The following CCL13 variants were observed in gnomAD, a reference collection of about 807,000 sequenced individuals.
CCL13 encodes C-C motif chemokine 13.
Under a neutral mutation model 6.6 loss-of-function variants are expected in CCL13, and 5 were observed. That is an observed-to-expected ratio of 0.76 (90% confidence interval 0.40 to 1.60). CCL13 has a LOEUF of 1.60. CCL13 is among the 40% of genes most tolerant of loss of function. CCL13 has a pLI of 0.02. For missense variants in CCL13, 117 were observed against 114.2 expected (o/e 1.02, Z -0.11); for synonymous variants, 39 against 43.0 (o/e 0.91, Z 0.37).
Position 34,356,612 on chromosome 17 carries a change from C to T in CCL13, c.76+10C>T. On this transcript the variant is annotated intron_variant, in intron 1 of 2. Transcript: ENST00000225844. ...GGACTTGCTCAGCCAGGTAAGTCAC[C>T]TCCCTTCGACTCTCCCTCTCTTTCC... 1.3e-6 allele frequency: 2 copies of T among 1,583,428 alleles called. No homozygotes were observed. The highest frequency in any genetic ancestry group is 1.7e-6 in the Non-Finnish European group (2 of 1,152,266).
intron 2 of CCL13, 121 bp from the exon 3 acceptor site, chr17:34,357,905 T>C: frequency 6.0e-6 from 4 of 661,332 alleles, no homozygotes; most frequent in Non-Finnish European, 1.0e-5. Context: ...CTTCCTGTCC[T>C]GGAGGGGTGC....
Position 34,358,133 on chromosome 17 carries a change from C to T in CCL13, c.*2C>T, listed in dbSNP as rs779852870. 1.7e-5 allele frequency: 27 copies of T among 1,599,972 alleles called. No homozygotes were observed. The highest frequency in any genetic ancestry group is 2.3e-5 in the Non-Finnish European group (27 of 1,167,376). On this transcript the variant is annotated 3_prime_UTR_variant, in exon 3 of 3. Transcript: ENST00000225844. ...AAAGCTCACACCCTGAAGACTTGAA[C>T]TCTGCTACCCCTACTGAAATCAAGC...
intron 1 of CCL13, among the ~76,000 whole-genome samples, chr17:34,356,991 A>G (rs2141947427): frequency 6.6e-6 from 1 of 152,278 alleles, no homozygotes; most frequent in South Asian, 2.1e-4. Context: ...CCCACTTCTA[A>G]GCCCACCAGA....
At chr17:34,357,668 G>GA in intron 2 of CCL13, 79 bp downstream of exon 2, 1 of 846,244 alleles carries the variant, frequency 1.2e-6, no homozygotes, top group East Asian at 2.4e-5. Context: ...CCAGGAGACA[G>GA]ACGTCAGACT....
chr17:34,358,307 G>A lies in CCL13; in HGVS notation c.*176G>A, dbSNP rs898861282. ...AGTAATATTGGCTATTATTTGACTT[G>A]TTGCTGGTTTGGAGTTTATTTGAGT... On this transcript the variant is annotated 3_prime_UTR_variant, in exon 3 of 3. Coordinates refer to ENST00000225844, the MANE Select transcript of CCL13 (RefSeq NM_005408.3). 8 of 619,728 alleles carry A rather than the reference G, an allele frequency of 1.3e-5. No homozygotes were observed. The highest frequency in any genetic ancestry group is 9.4e-5 in the African/African-American group (5 of 53,306). 38.4% of individuals were successfully genotyped at this position (619,728 alleles called of 1,614,324 possible). A position where few individuals can be genotyped will look rare whatever the true frequency, so the allele number is the denominator to read the frequency against.
intron 2 of CCL13, 61 bp downstream of exon 2, chr17:34,357,650 G>A (rs1041193589): frequency 3.0e-6 from 3 of 1,010,782 alleles, no homozygotes; most frequent in African/African-American, 3.2e-5. Flanking sequence ...CCAATCCAAA[G>A]TTCTGCCCCA....
In CCL13 at chr17:34,357,534, C is replaced by T. The variant is rs377585122; in HGVS notation, c.136C>T (p.Gln46Ter). Reference protein sequence around the residue: ...FTFSSKKISLQRLKSYVITTS... With the variant: ...FTFSSKKISL The stretch of plus-strand genomic sequence containing the variant: ...ATTTAGCAGTAAGAAGATCTCCTTG[C>T]AGAGGCTGAAGAGCTATGTGATCAC... Residue 46 changes from glutamine (Q) to a stop codon, truncating the protein, a stop_gained, in exon 2 of 3, where the codon CAG (glutamine) becomes TAG (stop). Coordinates refer to ENST00000225844, the MANE Select transcript of CCL13 (RefSeq NM_005408.3). LOFTEE classifies it high-confidence loss of function. The T allele has an allele frequency of 6.2e-7, 1 of 1,613,556 alleles. No individual in the cohort carries two copies. The highest frequency in any genetic ancestry group is 8.5e-7 in the Non-Finnish European group (1 of 1,179,608).
At chr17:34,356,627 C>T in intron 1 of CCL13, 25 bp downstream of exon 1, 2 of 1,504,976 alleles carry the variant, frequency 1.3e-6, no homozygotes, top group Admixed American at 1.7e-5. Context: ...TTCGACTCTC[C>T]CTCTCTTTCC....
chr17:34,358,226 C>A lies in CCL13; in HGVS notation c.*95C>A. The A allele has an allele frequency of 2.5e-6, 2 of 804,848 alleles. No individual in the cohort carries two copies. The highest frequency in any genetic ancestry group is 1.6e-5 in the South Asian group (1 of 64,416). 49.9% of individuals were successfully genotyped at this position (804,848 alleles called of 1,614,324 possible). A position where few individuals can be genotyped will look rare whatever the true frequency, so the allele number is the denominator to read the frequency against. ...CTTCTATGCTTTGGAATACTTCTAC[C>A]ATAATTTTCAAATAGGATGCATTCG... On this transcript the variant is annotated 3_prime_UTR_variant, in exon 3 of 3. Transcript: ENST00000225844.
rs761296852 is a variant in CCL13, at chr17:34,357,709, G to T, written c.191+120G>T. The T allele has an allele frequency of 8.3e-4, 576 of 693,058 alleles. 6 individuals carry two copies. The highest frequency in any genetic ancestry group is 1.6e-3 in the Middle Eastern group (4 of 2,470). 42.9% of individuals were successfully genotyped at this position (693,058 alleles called of 1,614,324 possible). A position where few individuals can be genotyped will look rare whatever the true frequency, so the allele number is the denominator to read the frequency against. On this transcript the variant is annotated intron_variant, in intron 2 of 2. Transcript: ENST00000225844. ...GAGATCTTAGGATGAGATCTAGCCA[G>T]ACTGTGTGATGCAAATCCTCCAATT... is the stretch of plus-strand genomic sequence containing the variant.
rs1597613628 is a variant in CCL13, at chr17:34,358,126, A to G, written c.292A>G (p.Thr98Ala). The G allele has an allele frequency of 6.2e-7, 1 of 1,610,226 alleles. No individual in the cohort carries two copies. The highest frequency in any genetic ancestry group is 2.2e-5 in the East Asian group (1 of 44,850). Residue 98 changes from threonine to alanine, a missense_variant, in exon 3 of 3, where the codon ACT becomes GCT. By Grantham distance (58) the Thr-to-Ala change is moderately conservative. Coordinates refer to ENST00000225844, the MANE Select transcript of CCL13 (RefSeq NM_005408.3). Reference protein sequence around the residue: ...HLGRKAHTLKT With the variant: ...HLGRKAHTLKA ...GGGCCGGAAAGCTCACACCCTGAAG[A>G]CTTGAACTCTGCTACCCCTACTGAA... is the stretch of plus-strand genomic sequence containing the variant.
At chr17:34,356,759 T>C (rs896524424) in intron 1 of CCL13, among the ~76,000 whole-genome samples, 157 bp downstream of exon 1, 18 of 152,064 alleles carry the variant, frequency 1.2e-4, no homozygotes, top group Admixed American at 5.2e-4. Context: ...ATTGCAACCT[T>C]CACCTCCCAG....
In CCL13 at chr17:34,358,321, G is replaced by A. The variant is rs1567663590; in HGVS notation, c.*190G>A. On this transcript the variant is annotated 3_prime_UTR_variant, in exon 3 of 3. Coordinates refer to ENST00000225844, the MANE Select transcript of CCL13 (RefSeq NM_005408.3). ...TTATTTGACTTGTTGCTGGTTTGGA[G>A]TTTATTTGAGTATTGCTGATCTTTT... is the stretch of plus-strand genomic sequence containing the variant. 3.4e-6 allele frequency: 2 copies of A among 592,360 alleles called. No individual in the cohort carries two copies. The highest frequency in any genetic ancestry group is 6.1e-5 in the Admixed American group (2 of 32,650). 36.7% of individuals were successfully genotyped at this position (592,360 alleles called of 1,614,324 possible).
chr17:34,356,650 A>T (rs921500532), intron 1 of CCL13, 48 bp downstream of exon 1: 1 of 1,386,356 alleles, frequency 7.2e-7, no homozygotes, highest in African/African-American at 1.4e-5. Context: ...CTGTTTCTCT[A>T]TTCAAGGAAG....
At chr17:34,357,866 A>G (rs954635830) in intron 2 of CCL13, among the ~76,000 whole-genome samples, 160 bp from the exon 3 acceptor site, 2 of 152,234 alleles carry the variant, frequency 1.3e-5, no homozygotes, top group Non-Finnish European at 2.9e-5. Flanking sequence ...GGCTGCCTCC[A>G]GAGACCCCTT....
chr17:34,358,177 T>C lies in CCL13; in HGVS notation c.*46T>C. On this transcript the variant is annotated 3_prime_UTR_variant, in exon 3 of 3. Coordinates refer to ENST00000225844, the MANE Select transcript of CCL13 (RefSeq NM_005408.3). ...ATCAAGCTGGAGTACGTGAAATGAC[T>C]TTTCCATTCTCCTCTGGCCTCCTCT... is the stretch of plus-strand genomic sequence containing the variant. The C allele has an allele frequency of 2.3e-6, 3 of 1,307,182 alleles. No homozygotes were observed. Among genetic ancestry groups the C allele is most frequent in the Non-Finnish European group, 3.3e-6 (3 of 902,930 alleles). The allele number at this position is 1,307,182 out of a possible 1,614,324, so 81.0% of individuals were successfully genotyped here.
chr17:34,357,879 G>C (rs923942019), intron 2 of CCL13, 147 bp from the exon 3 acceptor site: 14 of 618,428 alleles, frequency 2.3e-5, no homozygotes, highest in African/African-American at 5.5e-5. Context: ...GACCCCTTCT[G>C]TCCACACACC....
chr17:34,356,628 C>A, intron 1 of CCL13, 26 bp downstream of exon 1: 1 of 1,506,914 alleles, frequency 6.6e-7, no homozygotes, highest in Non-Finnish European at 9.2e-7. Flanking sequence ...TCGACTCTCC[C>A]TCTCTTTCCC....
At chr17:34,357,434 T>C (rs775069930) in intron 1 of CCL13, 41 bp from the exon 2 acceptor site, 2 of 1,365,374 alleles carry the variant, frequency 1.5e-6, no homozygotes, top group Admixed American at 3.4e-5. Flanking sequence ...GAGAAAAGCC[T>C]AACACATCCT....
Sources: allele counts gnomAD v4.1 joint callset (sites outside exome capture counted in the v4.1 genomes callset), GRCh38; gene constraint gnomAD v4.1.1; transcripts MANE v1.5; gene names NCBI Gene and HGNC (gene_info 2026-07-23, HGNC 2026-07-21).